Variants in NWD1 observed in about 807,000 individuals in gnomAD.
The protein encoded by NWD1 is NACHT and WD repeat domain containing 1, also known as NACHT domain- and WD repeat-containing protein 1.
In NWD1, 129 loss-of-function variants were observed where a neutral mutation model predicts 135.1. That is an observed-to-expected ratio of 0.96 (90% CI 0.83 to 1.11). The LOEUF is 1.11. NWD1 is among the 50% of genes least tolerant of loss of function. NWD1 has a pLI of 0.00. For synonymous variants in NWD1, 773 were observed against 786.0 expected, an observed-to-expected ratio of 0.98 and a Z score of 0.28; for missense variants, 1,740 against 1,851.3, an observed-to-expected ratio of 0.94 and a Z score of 1.10.
In NWD1 at chr19:16,817,567, A is replaced by T. The variant is rs1435846147; in HGVS notation, c.*2528A>T. ...CAGTGAGCCGAGATCGCACCACTGC[A>T]CTCCAGCATGAGTGACAGAGACTCT... is the stretch of plus-strand genomic sequence containing the variant. On this transcript the variant is annotated 3_prime_UTR_variant, in exon 19 of 19. Coordinates refer to ENST00000524140, the MANE Select transcript of NWD1 (RefSeq NM_001007525.5). 6.7e-6 allele frequency: 1 copy of T among 148,480 alleles called. No individual in the cohort carries two copies. Among genetic ancestry groups the T allele is most frequent in the Non-Finnish European group, 1.5e-5 (1 of 67,588 alleles). 9.2% of individuals were successfully genotyped at this position (148,480 alleles called of 1,614,324 possible).
chr19:16,812,313 C>CA lies in NWD1; in HGVS notation c.4288-2707dup, dbSNP rs972982988. On this transcript the variant is annotated intron_variant, in intron 18 of 18. Transcript: ENST00000524140. Reference sequence around the variant, plus strand: ...CAGACCTGTTAAAAAAAAACAAAAACAAAAAAAAGGCCTGGTTCCTTGGGG... The same window carrying CA: ...CAGACCTGTTAAAAAAAAACAAAAACAAAAAAAAAGGCCTGGTTCCTTGGGG... 4.7e-5 allele frequency among the ~76,000 whole-genome samples: 7 copies of CA among 148,008 alleles called. No homozygotes were observed. The East Asian group carries it at 6.2e-4, about 13-fold the overall frequency.
chr19:16,730,409 A>G (rs1335388961), intron 2 of NWD1, among the ~76,000 whole-genome samples: 2 of 152,100 alleles, frequency 1.3e-5, no homozygotes, highest in Non-Finnish European at 2.9e-5. Context: ...CATAAGGGGT[A>G]CAATGGCAAA....
At chr19:16,795,440 C>A (rs1275523000) in intron 15 of NWD1, among the ~76,000 whole-genome samples, 3 of 148,022 alleles carry the variant, frequency 2.0e-5, no homozygotes, top group Non-Finnish European at 4.5e-5. Context: ...TTTTTGAGAC[C>A]GAGTCTCGCT....
chr19:16,764,961 T>G, intron 9 of NWD1, 73 bp from the exon 10 acceptor site: 8 of 1,514,322 alleles, frequency 5.3e-6, no homozygotes, highest in Non-Finnish European at 7.2e-6. Context: ...AATGGAGAGA[T>G]GATTCTCCAC....
chr19:16,813,104 G>A (rs960763898), intron 18 of NWD1, among the ~76,000 whole-genome samples: 1 of 152,288 alleles, frequency 6.6e-6, no homozygotes, highest in African/African-American at 2.4e-5. Context: ...CCATCCTTCC[G>A]AGGATAGACT....
intron 2 of NWD1, among the ~76,000 whole-genome samples, chr19:16,725,870 C>G (rs1010257335): frequency 4.7e-5 from 7 of 150,298 alleles, no homozygotes; most frequent in African/African-American, 1.7e-4. Context: ...AACTCTTGGG[C>G]TCATGCAATC....
At chr19:16,737,590 TC>T (rs1967876743) in intron 4 of NWD1, among the ~76,000 whole-genome samples, 1 of 146,758 alleles carries the variant, frequency 6.8e-6, no homozygotes, top group Non-Finnish European at 1.5e-5. Context: ...TTGAGATGGG[TC>T]TTGCTATGTT....
At chr19:16,779,216 A>G in intron 11 of NWD1, 127 bp from the exon 12 acceptor site, 1 of 1,053,810 alleles carries the variant, frequency 9.5e-7, no homozygotes, top group Non-Finnish European at 1.4e-6. Context: ...AGCTTTGGGC[A>G]AGGGACCAAA....
chr19:16,775,131 C>T (rs1202195741), intron 11 of NWD1, among the ~76,000 whole-genome samples: 2 of 152,116 alleles, frequency 1.3e-5, no homozygotes, highest in African/African-American at 2.4e-5. Context: ...GAGAGCTGCA[C>T]TCCCCAGGCA....
chr19:16,755,306 C>T (rs1362967347), intron 6 of NWD1, among the ~76,000 whole-genome samples: 1 of 152,144 alleles, frequency 6.6e-6, no homozygotes, highest in African/African-American at 2.4e-5. Context: ...GTCTTGACTT[C>T]TTGGGCTCAA....
chr19:16,749,961 A>G lies in NWD1; in HGVS notation c.1319A>G (p.Asp440Gly), dbSNP rs757043963. ...CTCGTGCTCCTGCTGGATGCTATGG[A>G]TGACCTGGACTCTGTCCGCCATGCT... ...ESLVLLLDAM[D>G]DLDSVRHARR... The change falls in exon 6 of 19, where the codon GAT (aspartate) becomes GGT (glycine). Residue 440 changes from aspartate (D) to glycine (G), a missense_variant. Coordinates refer to ENST00000524140, the MANE Select transcript of NWD1 (RefSeq NM_001007525.5). 3 of 1,613,538 alleles carry G rather than the reference A, an allele frequency of 1.9e-6. No homozygotes were observed. The highest frequency in any genetic ancestry group is 2.5e-6 in the Non-Finnish European group (3 of 1,179,994).
chr19:16,748,822 T>G (rs1285675852), intron 5 of NWD1, among the ~76,000 whole-genome samples: 1 of 148,832 alleles, frequency 6.7e-6, no homozygotes, highest in Non-Finnish European at 1.5e-5. Context: ...AGACCCTGTC[T>G]CAATAATAAT....
At chr19:16,789,903 A>G (rs1345442814) in intron 13 of NWD1, among the ~76,000 whole-genome samples, 1 of 151,988 alleles carries the variant, frequency 6.6e-6, no homozygotes, top group Non-Finnish European at 1.5e-5. Context: ...TTTTTAGTAG[A>G]GACAGGGTTT....
At chr19:16,814,112 A>C (rs1971003278) in intron 18 of NWD1, among the ~76,000 whole-genome samples, 1 of 152,142 alleles carries the variant, frequency 6.6e-6, no homozygotes, top group Non-Finnish European at 1.5e-5. Context: ...GTGAGCCATG[A>C]TAGCACCATT....
At position 16,731,241 on chromosome 19, in the gene NWD1, G is replaced by T. The variant is rs8107776; in HGVS notation, c.44G>T (p.Cys15Phe). The stretch of plus-strand genomic sequence containing the variant: ...TGCAGAGCACTGCCTACCCTGAAGT[G>T]CCAGACCTTCTGCCAGAGGCACGGC... ...KPCRALPTLK[C>F]QTFCQRHGLM... is the part of the protein sequence containing the mutation. Residue 15 changes from cysteine (C) to phenylalanine (F), a missense_variant, in exon 3 of 19, where the codon TGC (cysteine) becomes TTC (phenylalanine). Cys to Phe is a radical substitution (Grantham distance 205). Transcript: ENST00000524140. 0.56 allele frequency: 851,658 copies of T among 1,531,130 alleles called. 241,950 individuals carry two copies. Among genetic ancestry groups the T allele is most frequent in the African/African-American group, 0.64 (46,451 of 72,942 alleles). 94.8% of individuals were successfully genotyped at this position (1,531,130 alleles called of 1,614,324 possible).
At chr19:16,761,376 CTCTTTT>C (rs1969006457) in intron 7 of NWD1, among the ~76,000 whole-genome samples, 4 of 151,234 alleles carry the variant, frequency 2.6e-5, no homozygotes, top group African/African-American at 7.4e-5. Flanking sequence ...TTCCTTCTTT[CTCTTTT>C]TTTCCTTTTT....
At chr19:16,812,496 C>T (rs542808304) in intron 18 of NWD1, among the ~76,000 whole-genome samples, 1 of 151,746 alleles carries the variant, frequency 6.6e-6, no homozygotes, top group East Asian at 1.9e-4. Flanking sequence ...TGGTGAAACC[C>T]CATTTCTACT....
At chr19:16,792,146 G>A (rs1025772442) in intron 14 of NWD1, among the ~76,000 whole-genome samples, 1 of 152,176 alleles carries the variant, frequency 6.6e-6, no homozygotes, top group African/African-American at 2.4e-5. Flanking sequence ...CTAAGACATG[G>A]TGTGGAATGA....
rs754630479 is a variant in NWD1 at position 16,815,040 on chromosome 19, C to T, written c.*1C>T. On this transcript the variant is annotated 3_prime_UTR_variant, in exon 19 of 19. Transcript: ENST00000524140. ...TTCACCCTTACAGGCACCCTGCTGA[C>T]AGTCCAGTTTGTCCATGCTGTGGTA... 27 of 1,613,878 alleles carry T rather than the reference C, an allele frequency of 1.7e-5. No individual in the cohort carries two copies. The African/African-American group carries it at 3.1e-4, about 18-fold the overall frequency.
Sources: allele counts gnomAD v4.1 joint callset (sites outside exome capture counted in the v4.1 genomes callset), GRCh38; gene constraint gnomAD v4.1.1; transcripts MANE v1.5; gene names NCBI Gene and HGNC (gene_info 2026-07-23, HGNC 2026-07-21).